Variants in TOGARAM1 observed in about 807,000 individuals in gnomAD.
TOGARAM1 encodes TOG array regulator of axonemal microtubules 1.
In TOGARAM1, 100 loss-of-function variants were observed where a neutral mutation model predicts 166.6. The ratio of observed to expected loss-of-function variants is 0.60; its 90% confidence interval spans 0.51 to 0.71. The LOEUF (loss-of-function observed/expected upper bound fraction) is 0.71, where lower values mean the gene tolerates loss of function less well. Among genes scored for constraint, TOGARAM1 ranks in the 30% least tolerant of loss-of-function variants. TOGARAM1 has a pLI of 0.00. For synonymous variants in TOGARAM1, 758 were observed against 763.8 expected, an observed-to-expected ratio of 0.99 and a Z score of 0.13; for missense variants, 2,029 against 2,102.7, an observed-to-expected ratio of 0.96 and a Z score of 0.69.
At chr14:45,001,059 G>A (rs1004071063) in intron 3 of TOGARAM1, among the ~76,000 whole-genome samples, 1 of 152,154 alleles carries the variant, frequency 6.6e-6, no homozygotes, top group Non-Finnish European at 1.5e-5. Context: ...GAACTTCCTT[G>A]CTGTTTTCTA....
Position 44,988,278 on chromosome 14 carries a change from T to A in TOGARAM1, c.2047-7468T>A, listed in dbSNP as rs574199114. ...AAAAAAAATCGTAAAAGCTTTTGAGTTTTATTTAATCCAATATGATATAAG... is the reference window on the plus strand; with the variant it reads ...AAAAAAAATCGTAAAAGCTTTTGAGATTTATTTAATCCAATATGATATAAG... On this transcript the variant is annotated intron_variant, in intron 1 of 19. Coordinates refer to ENST00000361462, the MANE Select transcript of TOGARAM1 (RefSeq NM_001308120.2). 5.8e-4 allele frequency among the ~76,000 whole-genome samples: 89 copies of A among 152,268 alleles called. 1 individual carries two copies. The South Asian group carries it at 0.018, about 31-fold the overall frequency.
intron 7 of TOGARAM1, among the ~76,000 whole-genome samples, chr14:45,023,971 C>A (rs1314534155): frequency 6.6e-6 from 1 of 152,162 alleles, no homozygotes; most frequent in African/African-American, 2.4e-5. Flanking sequence ...GAACTCCTGA[C>A]CTCAGGTGAT....
At chr14:44,998,641 A>C (rs1038053425) in intron 2 of TOGARAM1, among the ~76,000 whole-genome samples, 1 of 152,212 alleles carries the variant, frequency 6.6e-6, no homozygotes, top group African/African-American at 2.4e-5. Flanking sequence ...CTTAAAAAAA[A>C]TAAAATAAAA....
In TOGARAM1 at chr14:44,962,913, G is replaced by T; in HGVS notation, c.492G>T (p.Arg164=). 6.2e-7 allele frequency: 1 copy of T among 1,614,166 alleles called. No individual in the cohort carries two copies. Among genetic ancestry groups the T allele is most frequent in the Non-Finnish European group, 8.5e-7 (1 of 1,180,036 alleles). ...TGCAACTTCTCTCGGACGTTCTCCGGGGTCAGGGGGAGGCAGGCCAGCTTG... is the reference window on the plus strand; with the variant it reads ...TGCAACTTCTCTCGGACGTTCTCCGTGGTCAGGGGGAGGCAGGCCAGCTTG... ...LCLQLLSDVL[R]GQGEAGQLEE... is the part of the protein sequence containing the mutation. The change falls in exon 1 of 20, where the codon CGG becomes CGT. Residue 164 remains arginine, a synonymous_variant. Coordinates refer to ENST00000361462, the MANE Select transcript of TOGARAM1 (RefSeq NM_001308120.2).
At chr14:44,978,202 T>C (rs1276602947) in intron 1 of TOGARAM1, 1 of 152,200 alleles carries the variant, frequency 6.6e-6, no homozygotes, top group Non-Finnish European at 1.5e-5. Flanking sequence ...AGTTACCTCA[T>C]TGGAGCAAAA....
At chr14:45,054,126 C>T (rs1375547085) in intron 15 of TOGARAM1, among the ~76,000 whole-genome samples, 2 of 152,098 alleles carry the variant, frequency 1.3e-5, no homozygotes, top group East Asian at 1.9e-4. Flanking sequence ...CTGCCTCAGC[C>T]TCCCAAAGTG....
chr14:45,046,743 A>G (rs1295058181), intron 14 of TOGARAM1, 40 bp downstream of exon 14: 2 of 1,237,720 alleles, frequency 1.6e-6, no homozygotes, highest in Non-Finnish European at 2.0e-6. Flanking sequence ...ATTATTAATA[A>G]GGGCTTAAAA....
intron 19 of TOGARAM1, 88 bp from the exon 20 acceptor site, chr14:45,073,208 C>A: frequency 8.0e-7 from 1 of 1,248,594 alleles, no homozygotes; most frequent in South Asian, 1.6e-5. Flanking sequence ...AAGGAAGAAG[C>A]TTAGTATATT....
intron 1 of TOGARAM1, among the ~76,000 whole-genome samples, chr14:44,990,260 A>G (rs979002657): frequency 6.6e-6 from 1 of 152,254 alleles, no homozygotes; most frequent in Non-Finnish European, 1.5e-5. Flanking sequence ...ATCAAAACCC[A>G]GTTTCACCCA....
At chr14:45,018,596 G>A (rs1327838266) in intron 7 of TOGARAM1, among the ~76,000 whole-genome samples, 1 of 152,080 alleles carries the variant, frequency 6.6e-6, no homozygotes, top group Non-Finnish European at 1.5e-5. Context: ...AGGCATTTTA[G>A]GACATGAATA....
intron 7 of TOGARAM1, 115 bp downstream of exon 7, chr14:45,012,190 A>G (rs1353464756): frequency 8.1e-6 from 5 of 617,294 alleles, no homozygotes; most frequent in Middle Eastern, 4.6e-4. Flanking sequence ...GTTAAGACTA[A>G]TCATTTTTTT....
chr14:44,976,235 A>G (rs771077354), intron 1 of TOGARAM1, among the ~76,000 whole-genome samples: 9 of 152,246 alleles, frequency 5.9e-5, no homozygotes, highest in Non-Finnish European at 8.8e-5. Context: ...AAATTGCCCT[A>G]TCCTTATTCG....
At chr14:45,066,443 A>C in intron 16 of TOGARAM1, 135 bp from the exon 17 acceptor site, 2 of 668,968 alleles carry the variant, frequency 3.0e-6, no homozygotes, top group Non-Finnish European at 4.8e-6. Flanking sequence ...TACTGTGGCT[A>C]TGGGTTAGCC....
intron 6 of TOGARAM1, 33 bp from the exon 7 acceptor site, chr14:45,011,942 A>T: frequency 6.8e-7 from 1 of 1,463,624 alleles, no homozygotes; most frequent in Non-Finnish European, 9.5e-7. Context: ...ACTAAATCTT[A>T]ATGTTTATTG....
intron 14 of TOGARAM1, among the ~76,000 whole-genome samples, chr14:45,047,368 GGTGACA>G (rs1882120813): frequency 6.6e-6 from 1 of 150,954 alleles, no homozygotes; most frequent in Non-Finnish European, 1.5e-5. Flanking sequence ...CTCCAGCCTG[GGTGACA>G]GAGCGAGACT....
At position 45,009,042 on chromosome 14, in the gene TOGARAM1, C is replaced by T. The variant is rs781359041; in HGVS notation, c.3034C>T (p.Leu1012=). Residue 1012 remains leucine (L), a synonymous_variant, in exon 6 of 20, where the codon CTG becomes TTG. Transcript: ENST00000361462. The stretch of plus-strand genomic sequence containing the variant: ...CGACTTGACGATGGACTCCCCGTCT[C>T]TGTCTTCCTCACCAAACATCAATTC... The part of the protein sequence containing the change: ...KLDLTMDSPS[L]SSSPNINSYS... The T allele has an allele frequency of 1.2e-6, 2 of 1,614,012 alleles. No individual in the cohort carries two copies. Among genetic ancestry groups the T allele is most frequent in the African/African-American group, 2.7e-5 (2 of 74,924 alleles).
At chr14:44,978,973 C>CT (rs1186262913) in intron 1 of TOGARAM1, among the ~76,000 whole-genome samples, 103 of 142,800 alleles carry the variant, frequency 7.2e-4, no homozygotes, top group Middle Eastern at 7.3e-3. Flanking sequence ...ATCTCTCTCT[C>CT]TTTTTTTTTT....
chr14:44,992,103 C>CAAAAAAAAAAAAAAAAAAAAAA (rs1887173671), intron 1 of TOGARAM1, among the ~76,000 whole-genome samples: 1 of 80,938 alleles, frequency 1.2e-5, no homozygotes. Context: ...AAAAAAAAAC[C>CAAAAAAAAAAAAAAAAAAAAAA]AAACCAAAAA....
intron 9 of TOGARAM1, 23 bp from the exon 10 acceptor site, chr14:45,028,153 A>C: frequency 6.4e-7 from 1 of 1,551,584 alleles, no homozygotes; most frequent in Non-Finnish European, 8.7e-7. Context: ...GAATATTTTC[A>C]GACTTTCAAC....
Sources: gnomAD v4.1 joint callset for allele counts (sites outside exome capture counted in the v4.1 genomes callset) on GRCh38, gnomAD v4.1.1 for gene constraint, MANE v1.5 for transcripts, NCBI Gene and HGNC (gene_info 2026-07-23, HGNC 2026-07-21) for gene names.